Variants in MYT1L observed in about 807,000 individuals in gnomAD.
MYT1L encodes the protein myelin transcription factor 1-like protein.
In MYT1L, 12 loss-of-function variants were observed where a neutral mutation model predicts 126.7. The observed-to-expected ratio is 0.09, with a 90% CI of 0.06 to 0.15. MYT1L has a LOEUF of 0.15. Ranked by LOEUF, MYT1L falls within the 10% of genes least tolerant of loss-of-function variation. MYT1L has a pLI of 1.00. For missense variants in MYT1L, 979 were observed against 1,585.2 expected, an observed-to-expected ratio of 0.62 and a Z score of 6.49; for synonymous variants, 541 against 604.2, an observed-to-expected ratio of 0.90 and a Z score of 1.53.
At chr2:1,843,943 G>A (rs1417011606) in intron 19 of MYT1L, among the ~76,000 whole-genome samples, 1 of 152,224 alleles carries the variant, frequency 6.6e-6, no homozygotes, top group Admixed American at 6.5e-5. Flanking sequence ...CCTTGGCACA[G>A]GGCTGCTCTA....
At chr2:2,306,275 G>A (rs1231599379) in intron 1 of MYT1L, 1 of 150,734 alleles carries the variant, frequency 6.6e-6, no homozygotes, top group Non-Finnish European at 1.5e-5. Flanking sequence ...TGTTTTCAAG[G>A]GTCCTTCTCA....
chr2:2,100,147 A>G (rs1013191594), intron 3 of MYT1L, among the ~76,000 whole-genome samples: 12 of 152,176 alleles, frequency 7.9e-5, no homozygotes, highest in Admixed American at 3.3e-4. Context: ...AGAAGGATGT[A>G]TGTTATTTAT....
At position 2,243,444 on chromosome 2, in the gene MYT1L, G is replaced by T. The variant is rs536421819; in HGVS notation, c.-421+40960C>A. Among the ~76,000 whole-genome samples, 9 of 152,274 alleles carry T rather than the reference G, an allele frequency of 5.9e-5. No homozygotes were observed. In the South Asian group the frequency reaches 1.4e-3, roughly 25 times the overall value. On this transcript the variant is annotated intron_variant, in intron 2 of 24. Transcript: ENST00000647738. The stretch of plus-strand genomic sequence containing the variant: ...CTTAATTGGGACAGTGGGATTTAAG[G>T]TTCCCCAACAAAACAGGGGCACAAA...
chr2:2,325,878 G>A (rs2096241001), intron 1 of MYT1L: 1 of 152,298 alleles, frequency 6.6e-6, no homozygotes, highest in South Asian at 2.1e-4. Flanking sequence ...TTTAGGAAGT[G>A]TTGTGTATGC....
At chr2:2,171,598 C>T (rs72769207) in intron 3 of MYT1L, among the ~76,000 whole-genome samples, 212 of 152,118 alleles carry the variant, frequency 1.4e-3, no homozygotes, top group Non-Finnish European at 2.4e-3. Flanking sequence ...TGAATAGCTT[C>T]TTTTGTTTTT....
intron 3 of MYT1L, among the ~76,000 whole-genome samples, chr2:2,103,054 T>C (rs1242928299): frequency 2.0e-5 from 3 of 152,134 alleles, no homozygotes; most frequent in Non-Finnish European, 2.9e-5. Flanking sequence ...AACAGCCTTC[T>C]GTTGCCATGG....
chr2:2,150,480 TAC>T (rs2085576620), intron 3 of MYT1L, among the ~76,000 whole-genome samples: 1 of 152,240 alleles, frequency 6.6e-6, no homozygotes, highest in African/African-American at 2.4e-5. Context: ...ACTTGCAAAG[TAC>T]AGTTTGAACA....
chr2:2,268,488 A>T (rs973537775), intron 2 of MYT1L, among the ~76,000 whole-genome samples: 4 of 152,192 alleles, frequency 2.6e-5, no homozygotes, highest in African/African-American at 9.7e-5. Context: ...AATTATTCAT[A>T]AATTTCTTAT....
Position 1,801,833 on chromosome 2 carries a change from T to A in MYT1L, c.3173-34A>T. ...ATGAATATTAGTATGTTAAAACTGTTATATACAAAAATATTAGAGTTAGAA... is the reference window on the plus strand; with the variant it reads ...ATGAATATTAGTATGTTAAAACTGTAATATACAAAAATATTAGAGTTAGAA... On this transcript the variant is annotated intron_variant, in intron 22 of 24. Coordinates refer to ENST00000647738, the MANE Select transcript of MYT1L (RefSeq NM_001303052.2). This position sits in a 1 kb window ranked among gnomAD's most constrained non-coding sequence, Gnocchi z 4.2. 1.5e-6 allele frequency: 2 copies of A among 1,338,678 alleles called. No individual in the cohort carries two copies. The highest frequency in any genetic ancestry group is 2.1e-6 in the Non-Finnish European group (2 of 953,652). The allele number at this position is 1,338,678 out of a possible 1,614,324, so 82.9% of individuals were successfully genotyped here. A position where few individuals can be genotyped will look rare whatever the true frequency, so the allele number is the denominator to read the frequency against.
At chr2:2,043,621 C>T (rs922175881) in intron 4 of MYT1L, among the ~76,000 whole-genome samples, 3 of 152,142 alleles carry the variant, frequency 2.0e-5, no homozygotes, top group African/African-American at 7.2e-5. Context: ...TGGCCTCCTC[C>T]CCCAATGGGT....
At chr2:1,996,513 C>T (rs1363185601) in intron 5 of MYT1L, among the ~76,000 whole-genome samples, 2 of 142,798 alleles carry the variant, frequency 1.4e-5, no homozygotes, top group African/African-American at 5.3e-5. Flanking sequence ...CCGCCTTTAC[C>T]TAGTGAGTGA....
At chr2:2,053,449 G>A (rs2069089149) in intron 4 of MYT1L, among the ~76,000 whole-genome samples, 1 of 152,116 alleles carries the variant, frequency 6.6e-6, no homozygotes, top group South Asian at 2.1e-4. Flanking sequence ...AAAACAAAAG[G>A]CCATAACCTG....
At chr2:2,188,958 A>C (rs2092398295) in intron 2 of MYT1L, among the ~76,000 whole-genome samples, 1 of 152,106 alleles carries the variant, frequency 6.6e-6, no homozygotes. Flanking sequence ...ACATGCTTCA[A>C]GTGAGCGTGT....
intron 8 of MYT1L, among the ~76,000 whole-genome samples, chr2:1,971,025 TATCTCCTTTTACCAAATGTCAAAA>T (rs1450831527): frequency 2.0e-5 from 3 of 151,620 alleles, no homozygotes; most frequent in Non-Finnish European, 4.4e-5. Flanking sequence ...TTAAAAAATA[TATCTCCTTTTACCAAATGTCAAAA>T]ATAAGCTGTA....
intron 8 of MYT1L, among the ~76,000 whole-genome samples, chr2:1,972,538 C>T (rs1050217311): frequency 6.6e-6 from 1 of 152,100 alleles, no homozygotes; most frequent in South Asian, 2.1e-4. Context: ...TGCAATGCTC[C>T]ACATCTCTCA....
chr2:2,137,506 A>T (rs2083240336), intron 3 of MYT1L, among the ~76,000 whole-genome samples: 1 of 152,210 alleles, frequency 6.6e-6, no homozygotes, highest in African/African-American at 2.4e-5. Context: ...AGATCAATGG[A>T]ACAGAACAGA....
rs552368644 is a variant in MYT1L, at chr2:2,238,627, G to A, written c.-421+45777C>T. Among the ~76,000 whole-genome samples, 4 of 152,294 alleles carry A rather than the reference G, an allele frequency of 2.6e-5. No individual in the cohort carries two copies. In the South Asian group the frequency reaches 8.3e-4, roughly 32 times the overall value. On this transcript the variant is annotated intron_variant, in intron 2 of 24. Transcript: ENST00000647738. ...CCACCAGCAGAATCACAGCTGAGAG[G>A]TGAAACCTGTGTGCAGTGTATATCT...
intron 9 of MYT1L, among the ~76,000 whole-genome samples, chr2:1,934,270 G>A (rs1043746048): frequency 7.6e-6 from 1 of 131,886 alleles, no homozygotes; most frequent in African/African-American, 2.9e-5. Context: ...ACAGCCCCCC[G>A]CCTGATTTTG....
intron 3 of MYT1L, among the ~76,000 whole-genome samples, chr2:2,066,475 G>A (rs916261361): frequency 3.9e-5 from 6 of 152,092 alleles, no homozygotes; most frequent in Non-Finnish European, 7.4e-5. Flanking sequence ...AAATAGCATG[G>A]CTCATAAATA....
Sources: allele counts gnomAD v4.1 joint callset (sites outside exome capture counted in the v4.1 genomes callset), GRCh38; gene constraint gnomAD v4.1.1; non-coding constraint Gnocchi (gnomAD v3.1); transcripts MANE v1.5; gene names NCBI Gene and HGNC (gene_info 2026-07-23, HGNC 2026-07-21).